Variants in TMEM217B observed in about 807,000 individuals in gnomAD.
TMEM217B encodes transmembrane protein 217B, also known as putative transmembrane protein 217B.
At chr6:37,218,475 T>G in the TMEM217B span, 1 of 1,613,900 alleles carries the variant, frequency 6.2e-7, no homozygotes, top group African/African-American at 1.3e-5. Flanking sequence ...CTGAACCCAC[T>G]CGAAATTGAT....
chr6:37,215,244 G>A, the TMEM217B span: 1 of 1,613,988 alleles, frequency 6.2e-7, no homozygotes, highest in African/African-American at 1.3e-5. Context: ...GGCTGAGCTT[G>A]GCACTGGAGA....
At chr6:37,258,021 C>T in the TMEM217B span, 8 of 1,596,682 alleles carry the variant, frequency 5.0e-6, no homozygotes, top group East Asian at 2.3e-5. Context: ...CAAACCCTTC[C>T]AGATCCTAAT....
chr6:37,233,443 C>A, the TMEM217B span, among the ~76,000 whole-genome samples: 31 of 152,186 alleles, frequency 2.0e-4, no homozygotes, highest in Non-Finnish European at 4.4e-4. Context: ...GCAGGGCTGG[C>A]TTTCCCTGCT....
At chr6:37,214,377 G>A in the TMEM217B span, among the ~76,000 whole-genome samples, 9 of 152,158 alleles carry the variant, frequency 5.9e-5, no homozygotes, top group South Asian at 2.1e-4. Context: ...ACAAGCGTGC[G>A]CCAGCATGCC....
the TMEM217B span, chr6:37,257,790 C>A: frequency 2.9e-6 from 3 of 1,025,700 alleles, no homozygotes; most frequent in Non-Finnish European, 2.9e-6. Context: ...GATGGCGTCC[C>A]CAGGAGCTGG....
the TMEM217B span, among the ~76,000 whole-genome samples, chr6:37,216,789 G>T: frequency 2.0e-5 from 3 of 152,178 alleles, no homozygotes; most frequent in African/African-American, 7.2e-5. Flanking sequence ...GAGCCCTCAT[G>T]AATGGAATAA....
the TMEM217B span, among the ~76,000 whole-genome samples, chr6:37,215,597 A>AAAAAAAAAAAAAAAAAG: frequency 6.8e-6 from 1 of 146,882 alleles, no homozygotes; most frequent in African/African-American, 2.5e-5. Flanking sequence ...AAAAAAAAAA[A>AAAAAAAAAAAAAAAAAG]AAAAGAAAAG....
At chr6:37,226,070 T>C in the TMEM217B span, among the ~76,000 whole-genome samples, 680 of 152,256 alleles carry the variant, frequency 4.5e-3, 3 homozygotes, top group African/African-American at 0.015. Context: ...ATTGACGAAG[T>C]GTAATGAGAA....
chr6:37,255,813 A>G, the TMEM217B span, among the ~76,000 whole-genome samples: 1 of 152,198 alleles, frequency 6.6e-6, no homozygotes, highest in Non-Finnish European at 1.5e-5. Context: ...TAGGGTGACC[A>G]AGTGGTAGTG....
chr6:37,257,840 C>T, the TMEM217B span: 1 of 1,527,530 alleles, frequency 6.5e-7, no homozygotes, highest in South Asian at 1.2e-5. Flanking sequence ...CTGGGTTGGC[C>T]CTCAGATTGC....
chr6:37,218,468 A>C, the TMEM217B span: 6 of 1,613,452 alleles, frequency 3.7e-6, no homozygotes, highest in Non-Finnish European at 4.2e-6. Context: ...TGAGCCACTG[A>C]ACCCACTCGA....
At chr6:37,218,823 A>G in the TMEM217B span, 1 of 1,614,220 alleles carries the variant, frequency 6.2e-7, no homozygotes, top group South Asian at 1.1e-5. Flanking sequence ...AAAGACAGGA[A>G]GAGGACGATT....
At chr6:37,214,918 T>C in the TMEM217B span, among the ~76,000 whole-genome samples, 14 of 152,292 alleles carry the variant, frequency 9.2e-5, no homozygotes, top group East Asian at 2.7e-3. Flanking sequence ...TCTGCTCGGT[T>C]CACAGCGCAG....
At chr6:37,215,355 T>C in the TMEM217B span, 1 of 1,522,412 alleles carries the variant, frequency 6.6e-7, no homozygotes, top group Non-Finnish European at 8.8e-7. Flanking sequence ...GGCAGGCGGA[T>C]CACGAGGTCA....
At chr6:37,237,550 A>G in the TMEM217B span, among the ~76,000 whole-genome samples, 1 of 152,252 alleles carries the variant, frequency 6.6e-6, no homozygotes, top group Non-Finnish European at 1.5e-5. Flanking sequence ...CTAGAATCAT[A>G]TGCAAAGCTT....
the TMEM217B span, among the ~76,000 whole-genome samples, chr6:37,228,586 C>T: frequency 6.6e-6 from 1 of 152,180 alleles, no homozygotes; most frequent in African/African-American, 2.4e-5. Flanking sequence ...TGCCTGTAGT[C>T]CCAGATACTC....
chr6:37,215,259 C>G, the TMEM217B span: 1 of 1,613,558 alleles, frequency 6.2e-7, no homozygotes, highest in Non-Finnish European at 8.5e-7. Context: ...TGGAGACAGA[C>G]AGGTAAATAT....
At chr6:37,253,829 C>G in the TMEM217B span, among the ~76,000 whole-genome samples, 1 of 152,180 alleles carries the variant, frequency 6.6e-6, no homozygotes, top group African/African-American at 2.4e-5. Context: ...CTTTCTCTTT[C>G]CTTTTCTCTC....
the TMEM217B span, among the ~76,000 whole-genome samples, chr6:37,254,341 A>G: frequency 6.6e-6 from 1 of 152,136 alleles, no homozygotes; most frequent in South Asian, 2.1e-4. Context: ...CCTCAAACCA[A>G]TGATTTACAC....
Sources: gnomAD v4.1 joint callset for allele counts (sites outside exome capture counted in the v4.1 genomes callset) on GRCh38, gnomAD v4.1.1 for gene constraint, MANE v1.5 for transcripts, NCBI Gene and HGNC (gene_info 2026-07-23, HGNC 2026-07-21) for gene names.